The following CSGALNACT1 variants were observed in gnomAD, a reference collection of about 807,000 sequenced individuals.
CSGALNACT1 encodes chondroitin sulfate N-acetylgalactosaminyltransferase 1.
In CSGALNACT1, 52 loss-of-function variants were observed where a neutral mutation model predicts 51.0. The observed-to-expected ratio is 1.02, with a 90% CI of 0.82 to 1.29. The LOEUF (loss-of-function observed/expected upper bound fraction) is 1.29. CSGALNACT1 is among the 50% of genes most tolerant of loss of function. CSGALNACT1 has a pLI of 0.00. For synonymous variants in CSGALNACT1, 341 were observed against 254.4 expected (o/e 1.34, Z -3.24); for missense variants, 935 against 679.2 (o/e 1.38, Z -4.19).
rs998908351 is a variant in CSGALNACT1, at chr8:19,408,249, G to A, written c.1309+364C>T. On this transcript the variant is annotated intron_variant, in intron 9 of 9. Coordinates refer to ENST00000454498, the Ensembl canonical transcript of CSGALNACT1. ...AGAGGTGCTGGTGGAGATCATAGGG[G>A]CTAAAATGCCACCTACTACCAGGCC... Among the ~76,000 whole-genome samples, 3 of 152,052 alleles carry A rather than the reference G, an allele frequency of 2.0e-5. No individual in the cohort carries two copies. In the East Asian group the frequency reaches 5.8e-4, roughly 29 times the overall value.
intron 9 of CSGALNACT1, among the ~76,000 whole-genome samples, chr8:19,407,822 A>G (rs796466719): frequency 4.7e-5 from 7 of 147,958 alleles, no homozygotes; most frequent in African/African-American, 1.8e-4. Context: ...GCGCATGTGG[A>G]CATTTGTGTA....
At chr8:19,472,038 T>C (rs2068311806) in intron 4 of CSGALNACT1, among the ~76,000 whole-genome samples, 1 of 152,210 alleles carries the variant, frequency 6.6e-6, no homozygotes, top group South Asian at 2.1e-4. Flanking sequence ...ATTCCCATCA[T>C]CTTACCTTAA....
chr8:19,477,830 C>T (rs1441847186), intron 4 of CSGALNACT1, among the ~76,000 whole-genome samples: 1 of 152,186 alleles, frequency 6.6e-6, no homozygotes, highest in East Asian at 1.9e-4. Flanking sequence ...ACATTTCAAG[C>T]ACTTGATGGA....
At chr8:19,555,506 C>G (rs2154089832) in intron 3 of CSGALNACT1, among the ~76,000 whole-genome samples, 1 of 152,194 alleles carries the variant, frequency 6.6e-6, no homozygotes, top group African/African-American at 2.4e-5. Context: ...ACTTTCTGAC[C>G]TATTTGAAGC....
chr8:19,701,725 C>T (rs1426914026), intron 1 of CSGALNACT1, among the ~76,000 whole-genome samples: 1 of 152,172 alleles, frequency 6.6e-6, no homozygotes, highest in East Asian at 1.9e-4. Flanking sequence ...GCGCATCCTA[C>T]ATGTCACGTA....
intron 5 of CSGALNACT1, 122 bp from the exon 5 acceptor site, chr8:19,440,053 A>G: frequency 2.5e-6 from 2 of 788,400 alleles, no homozygotes; most frequent in Middle Eastern, 4.4e-4. Context: ...CTTCCAGGAG[A>G]GCCGAGATGG....
At chr8:19,599,605 A>C (rs1161865412) in intron 2 of CSGALNACT1, among the ~76,000 whole-genome samples, 2 of 152,100 alleles carry the variant, frequency 1.3e-5, no homozygotes, top group African/African-American at 4.8e-5. Flanking sequence ...GGAAAGAAGG[A>C]AAGAAAGAAT....
intron 4 of CSGALNACT1, among the ~76,000 whole-genome samples, chr8:19,459,199 A>G (rs971597596): frequency 2.6e-5 from 4 of 152,070 alleles, no homozygotes; most frequent in Non-Finnish European, 5.9e-5. Flanking sequence ...CAGCCTGGTC[A>G]CTATGGTGAA....
At chr8:19,420,358 T>C in exon 7 of CSGALNACT1, 8 of 1,614,192 alleles carry the variant, frequency 5.0e-6, no homozygotes, top group Non-Finnish European at 6.8e-6. Context: ...GTATTCAGCC[T>C]ACACGTATTG....
At chr8:19,730,556 A>C (rs1037945657) in intron 1 of CSGALNACT1, among the ~76,000 whole-genome samples, 1 of 152,192 alleles carries the variant, frequency 6.6e-6, no homozygotes, top group Admixed American at 6.5e-5. Flanking sequence ...AAAAGTATGT[A>C]AGGTGAACCC....
Position 19,482,684 on chromosome 8 carries a change from G to T in CSGALNACT1, c.634+22517C>A, listed in dbSNP as rs114544331. 6.0e-3 allele frequency among the ~76,000 whole-genome samples: 915 copies of T among 152,104 alleles called. 8 individuals are homozygous for T. The highest frequency in any genetic ancestry group is 0.021 in the African/African-American group (861 of 41,484). On this transcript the variant is annotated intron_variant, in intron 4 of 9. Transcript: ENST00000454498. ...TCTGCCTATAACATAATTGTGGGTG[G>T]TCCTCAAAGTTCCGATCACAGATCG...
At position 19,692,068 on chromosome 8, in the gene CSGALNACT1, A is replaced by AGT. The variant is rs2061356263; in HGVS notation, c.-297+65781_-297+65782insAC. Among the ~76,000 whole-genome samples, 10 of 151,616 alleles carry AGT rather than the reference A, an allele frequency of 6.6e-5. 1 individual carries two copies. The South Asian group carries it at 2.1e-3, about 32-fold the overall frequency. ...CAGAAGAGAAAGAGCAAGCAAGAGT[A>AGT]GGGAAAACTGCCTTGGAAAACCATC... On this transcript the variant is annotated intron_variant, in intron 1 of 1. Coordinates refer to the CSGALNACT1 transcript ENST00000517494.
rs372068381 is a variant in CSGALNACT1, at chr8:19,623,051, TTAAAG to T, written c.-543-21191_-543-21187del. Among the ~76,000 whole-genome samples the T allele has an allele frequency of 3.2e-3, 486 of 152,266 alleles. 1 individual carries two copies. Among genetic ancestry groups the T allele is most frequent in the Middle Eastern group, 0.02 (6 of 294 alleles). On this transcript the variant is annotated intron_variant, in intron 1 of 9. Transcript: ENST00000332246. The stretch of plus-strand genomic sequence containing the variant: ...ACATTCCACACATGTATCCCAGAAC[TTAAAG>T]TAAAGTAAATAAAAAAGAGGCATAC...
chr8:19,502,441 G>T (rs1209624970), intron 4 of CSGALNACT1, among the ~76,000 whole-genome samples: 1 of 152,186 alleles, frequency 6.6e-6, no homozygotes, highest in Non-Finnish European at 1.5e-5. Flanking sequence ...CAATTAGCCT[G>T]AAGTGTTACA....
chr8:19,514,527 A>ATG (rs2079135389), intron 3 of CSGALNACT1, among the ~76,000 whole-genome samples: 1 of 139,030 alleles, frequency 7.2e-6, no homozygotes, highest in Non-Finnish European at 1.5e-5. Context: ...ATCTATTTAA[A>ATG]AATTATATAC....
rs1245034318 is a variant in CSGALNACT1 at position 19,433,589 on chromosome 8, T to C, written c.953+6241A>G. 2.6e-5 allele frequency among the ~76,000 whole-genome samples: 4 copies of C among 152,194 alleles called. No individual in the cohort carries two copies. In the South Asian group the frequency reaches 8.3e-4, roughly 32 times the overall value. ...CTCCCTGAAGAAAATACTTTCTGCA[T>C]TGGAAGAGCTCTGAGTCAGGTCAAA... On this transcript the variant is annotated intron_variant, in intron 6 of 9. Coordinates refer to ENST00000454498, the Ensembl canonical transcript of CSGALNACT1.
chr8:19,699,364 A>G (rs572316418), intron 1 of CSGALNACT1, among the ~76,000 whole-genome samples: 50 of 152,358 alleles, frequency 3.3e-4, no homozygotes, highest in African/African-American at 1.0e-3. Context: ...ATTATTTGCA[A>G]CAGCCAAAAG....
At chr8:19,666,083 T>A (rs2059153262) in intron 1 of CSGALNACT1, among the ~76,000 whole-genome samples, 1 of 152,322 alleles carries the variant, frequency 6.6e-6, no homozygotes, top group Non-Finnish European at 1.5e-5. Context: ...GTTTGTCTAG[T>A]TTAAATCCAG....
At chr8:19,687,016 G>A (rs1362197201), upstream of CSGALNACT1, among the ~76,000 whole-genome samples, 9 of 152,166 alleles carry the variant, frequency 5.9e-5, no homozygotes, top group Admixed American at 5.9e-4. Flanking sequence ...GGAAACACAA[G>A]CAACAAAGAT....
Sources: gnomAD v4.1 joint callset for allele counts (sites outside exome capture counted in the v4.1 genomes callset) on GRCh38, gnomAD v4.1.1 for gene constraint, MANE v1.5 for transcripts, NCBI Gene and HGNC (gene_info 2026-07-23, HGNC 2026-07-21) for gene names.